The following COL23A1 variants were observed in gnomAD, a reference collection of about 807,000 sequenced individuals.
COL23A1 encodes the protein collagen alpha-1(XXIII) chain.
Under a neutral mutation model 99.3 loss-of-function variants are expected in COL23A1, and 97 were observed. The observed-to-expected ratio is 0.98, with a 90% CI of 0.83 to 1.16. The LOEUF (loss-of-function observed/expected upper bound fraction) is 1.16. COL23A1 is among the 50% of genes most tolerant of loss of function. COL23A1 has a pLI of 0.00. For synonymous variants in COL23A1, 320 were observed against 308.2 expected, an observed-to-expected ratio of 1.04 and a Z score of -0.40; for missense variants, 762 against 757.4, an observed-to-expected ratio of 1.01 and a Z score of -0.07.
At chr5:178,585,740 G>GGTTGGC (rs1193106192) in intron 1 of COL23A1, among the ~76,000 whole-genome samples, 199 of 152,030 alleles carry the variant, frequency 1.3e-3, no homozygotes, top group Middle Eastern at 3.4e-3. Context: ...CCACAGCCCT[G>GGTTGGC]GCTGACCCTG....
At chr5:178,298,325 G>A (rs1757857345) in intron 3 of COL23A1, among the ~76,000 whole-genome samples, 1 of 152,186 alleles carries the variant, frequency 6.6e-6, no homozygotes, top group South Asian at 2.1e-4. Context: ...TACCAGGTAA[G>A]CAGAGGTGCG....
chr5:178,397,250 G>A (rs1309994200), intron 2 of COL23A1, among the ~76,000 whole-genome samples: 1 of 152,238 alleles, frequency 6.6e-6, no homozygotes, highest in Admixed American at 6.5e-5. Context: ...ATACACCGGG[G>A]GCAGAGCTGA....
intron 2 of COL23A1, among the ~76,000 whole-genome samples, chr5:178,400,616 G>A (rs1452444402): frequency 2.0e-5 from 3 of 151,690 alleles, no homozygotes; most frequent in Non-Finnish European, 4.4e-5. Flanking sequence ...CATTCACAAC[G>A]GTGTGCAACC....
chr5:178,451,156 A>G (rs764157129), intron 2 of COL23A1, among the ~76,000 whole-genome samples: 1 of 152,198 alleles, frequency 6.6e-6, no homozygotes, highest in Non-Finnish European at 1.5e-5. Flanking sequence ...TCTATCGAAC[A>G]ATTATTTACA....
intron 2 of COL23A1, among the ~76,000 whole-genome samples, chr5:178,519,747 T>C (rs1267872121): frequency 1.3e-5 from 2 of 152,192 alleles, no homozygotes; most frequent in African/African-American, 4.8e-5. Context: ...AGGCCTGTGA[T>C]AAATATTGTC....
Position 178,362,598 on chromosome 5 carries a change from G to A in COL23A1, c.362-55679C>T, listed in dbSNP as rs533107130. Among the ~76,000 whole-genome samples, 10 of 152,230 alleles carry A rather than the reference G, an allele frequency of 6.6e-5. No homozygotes were observed. In the South Asian group the frequency reaches 1.0e-3, roughly 16 times the overall value. ...GGCAGGTGACTCTGGCCTGGCTCAC[G>A]GGCACACCCTCATTTTTCTGGCTGC... On this transcript the variant is annotated intron_variant, in intron 2 of 28. Transcript: ENST00000390654.
intron 2 of COL23A1, among the ~76,000 whole-genome samples, chr5:178,399,609 A>G (rs1764328906): frequency 6.6e-6 from 1 of 152,178 alleles, no homozygotes; most frequent in Non-Finnish European, 1.5e-5. Flanking sequence ...CTCTGCAAAC[A>G]TGGGCTGTTT....
At position 178,539,932 on chromosome 5, in the gene COL23A1, C is replaced by T. The variant is rs138754966; in HGVS notation, c.361+20750G>A. Among the ~76,000 whole-genome samples the T allele has an allele frequency of 7.3e-3, 1,113 of 152,312 alleles. 18 individuals carry two copies. Among genetic ancestry groups the T allele is most frequent in the African/African-American group, 0.025 (1,048 of 41,562 alleles). Reference sequence around the variant, plus strand: ...ATATCCCATCCAACTGGCGTTTATTCCAGGAATGCAAGCGTGGTTACCATC... The same window carrying T: ...ATATCCCATCCAACTGGCGTTTATTTCAGGAATGCAAGCGTGGTTACCATC... On this transcript the variant is annotated intron_variant, in intron 2 of 28. Transcript: ENST00000390654.
chr5:178,388,998 GAC>G (rs1279151674), intron 2 of COL23A1, among the ~76,000 whole-genome samples: 1 of 152,140 alleles, frequency 6.6e-6, no homozygotes, highest in Non-Finnish European at 1.5e-5. Context: ...GTGCTCCAGG[GAC>G]ACTGATTTGG....
intron 2 of COL23A1, among the ~76,000 whole-genome samples, chr5:178,479,439 C>T (rs533772858): frequency 1.1e-4 from 16 of 152,268 alleles, no homozygotes; most frequent in Non-Finnish European, 1.8e-4. Context: ...ATGGAGATGC[C>T]GGCTCACCCA....
Position 178,273,060 on chromosome 5 carries a change from G to A in COL23A1, c.442-2697C>T, listed in dbSNP as rs1214280365. Among the ~76,000 whole-genome samples the A allele has an allele frequency of 3.3e-5, 5 of 152,306 alleles. No individual in the cohort carries two copies. The East Asian group carries it at 7.7e-4, about 24-fold the overall frequency. On this transcript the variant is annotated intron_variant, in intron 5 of 28. Transcript: ENST00000390654. The stretch of plus-strand genomic sequence containing the variant: ...TGTCTGCACTGCAGGCCCGTGCCGC[G>A]GTGCTGTCTGGCCTCCCGGCCGCTC...
chr5:178,248,653 G>A (rs570541808), intron 19 of COL23A1, among the ~76,000 whole-genome samples: 1 of 152,244 alleles, frequency 6.6e-6, no homozygotes, highest in Admixed American at 6.5e-5. Flanking sequence ...GACAACAGTG[G>A]GCATTTGCTG....
intron 22 of COL23A1, among the ~76,000 whole-genome samples, chr5:178,246,973 T>A (rs995180138): frequency 6.6e-6 from 1 of 152,136 alleles, no homozygotes; most frequent in Admixed American, 6.5e-5. Context: ...AGAGATTTGC[T>A]CACGCCAGGA....
chr5:178,314,537 A>C (rs1185047476), intron 2 of COL23A1, among the ~76,000 whole-genome samples: 1 of 152,156 alleles, frequency 6.6e-6, no homozygotes, highest in Non-Finnish European at 1.5e-5. Context: ...AGGTGTCCCC[A>C]GTGTCACATT....
chr5:178,246,209 C>A lies in COL23A1; in HGVS notation c.1413+45G>T, dbSNP rs187368288. 5.1e-5 allele frequency: 79 copies of A among 1,549,276 alleles called. No individual in the cohort carries two copies. In the East Asian group the frequency reaches 1.9e-3, roughly 36 times the overall value. On this transcript the variant is annotated intron_variant, in intron 24 of 28. Transcript: ENST00000390654. The stretch of plus-strand genomic sequence containing the variant: ...GTCCCCGGGCTGAGCGCCACCATGA[C>A]CAGGTGGCCACGGTTGGAGAGGGAG...
At chr5:178,455,474 G>C (rs192874127) in intron 2 of COL23A1, among the ~76,000 whole-genome samples, 31 of 152,282 alleles carry the variant, frequency 2.0e-4, no homozygotes, top group Non-Finnish European at 3.5e-4. Flanking sequence ...TGTGTAAAGA[G>C]AGTAATAACA....
intron 11 of COL23A1, 23 bp downstream of exon 11, chr5:178,261,699 C>T (rs1426199723): frequency 6.3e-7 from 1 of 1,593,772 alleles, no homozygotes; most frequent in Non-Finnish European, 8.6e-7. Flanking sequence ...TGGGGAGGGG[C>T]ATGGGGAATA....
chr5:178,362,813 GATGGCACAGCCCAGCCC>G (rs1581232759), intron 2 of COL23A1, among the ~76,000 whole-genome samples: 2 of 152,068 alleles, frequency 1.3e-5, no homozygotes, highest in Admixed American at 6.5e-5. Flanking sequence ...GAGGCTGCCC[GATGGCACAGCCCAGCCC>G]ATGGCACAGC....
Position 178,520,061 on chromosome 5 carries a change from A to T in COL23A1, c.361+40621T>A, listed in dbSNP as rs369027246. On this transcript the variant is annotated intron_variant, in intron 2 of 28. Coordinates refer to ENST00000390654, the MANE Select transcript of COL23A1 (RefSeq NM_173465.4). ...AGATGATGGACAGATGCATGGGTGG[A>T]TGGATGGATGGATGGATAGATGGAG... Among the ~76,000 whole-genome samples the T allele has an allele frequency of 2.0e-5, 3 of 151,936 alleles. No homozygotes were observed. The East Asian group carries it at 5.8e-4, about 29-fold the overall frequency.
Sources: gnomAD v4.1 joint callset for allele counts (sites outside exome capture counted in the v4.1 genomes callset) on GRCh38, gnomAD v4.1.1 for gene constraint, MANE v1.5 for transcripts, NCBI Gene and HGNC (gene_info 2026-07-23, HGNC 2026-07-21) for gene names.